The following SYK variants were observed in gnomAD, a reference collection of about 807,000 sequenced individuals.
The protein encoded by SYK is spleen associated tyrosine kinase, also known as tyrosine-protein kinase SYK.
SYK carries 16 observed loss-of-function variants against 77.8 expected under a neutral mutation model. The ratio of observed to expected loss-of-function variants is 0.21; its 90% confidence interval spans 0.14 to 0.31. The LOEUF (loss-of-function observed/expected upper bound fraction) is 0.31, where lower values mean the gene tolerates loss of function less well. SYK is among the 10% of genes least tolerant of loss of function. The pLI is 1.00. For synonymous variants in SYK, 312 were observed against 308.7 expected, an observed-to-expected ratio of 1.01 and a Z score of -0.11; for missense variants, 529 against 814.4, an observed-to-expected ratio of 0.65 and a Z score of 4.26.
chr9:90,857,824 C>T (rs1482785834), intron 3 of SYK, among the ~76,000 whole-genome samples: 1 of 152,144 alleles, frequency 6.6e-6, no homozygotes, highest in African/African-American at 2.4e-5. Flanking sequence ...GCCCAGCCCA[C>T]CTTAGCCACA....
chr9:90,866,121 G>A (rs570393429), intron 6 of SYK, among the ~76,000 whole-genome samples: 18 of 152,106 alleles, frequency 1.2e-4, no homozygotes, highest in African/African-American at 4.1e-4. Context: ...GGATGGTCTC[G>A]ATCTCCTAAC....
At chr9:90,873,683 C>T (rs1827818140) in intron 7 of SYK, among the ~76,000 whole-genome samples, 1 of 152,180 alleles carries the variant, frequency 6.6e-6, no homozygotes, top group Non-Finnish European at 1.5e-5. Flanking sequence ...AATGCTGCTG[C>T]ATCTCCACCG....
chr9:90,871,511 A>G (rs374654800), intron 7 of SYK, among the ~76,000 whole-genome samples: 3 of 152,226 alleles, frequency 2.0e-5, no homozygotes, highest in African/African-American at 7.2e-5. Flanking sequence ...AAACTCCTCA[A>G]ATTTTTCTTT....
intron 1 of SYK, among the ~76,000 whole-genome samples, chr9:90,807,652 A>G (rs371737786): frequency 5.9e-5 from 9 of 152,302 alleles, no homozygotes; most frequent in East Asian, 3.9e-4. Flanking sequence ...GAGCAACTAC[A>G]ATTGCCAAAG....
Position 90,884,445 on chromosome 9 carries a change from A to G in SYK, c.1582-3304A>G, listed in dbSNP as rs1337250762. On this transcript the variant is annotated intron_variant, in intron 11 of 13. Coordinates refer to ENST00000375754, the MANE Select transcript of SYK (RefSeq NM_003177.7). ...CATATACACATATGTGTGTACATAT[A>G]CATACACATACACATATGTGTGTAC... Among the ~76,000 whole-genome samples the G allele has an allele frequency of 5.1e-5, 4 of 78,726 alleles. 1 individual carries two copies. The highest frequency in any genetic ancestry group is 1.1e-4 in the Non-Finnish European group (4 of 36,394). 51.6% of individuals were successfully genotyped at this position (78,726 alleles called of 152,430 possible). A position where few individuals can be genotyped will look rare whatever the true frequency, so the allele number is the denominator to read the frequency against.
At chr9:90,876,659 A>G (rs1205182844) in intron 9 of SYK, among the ~76,000 whole-genome samples, 1 of 152,206 alleles carries the variant, frequency 6.6e-6, no homozygotes, top group African/African-American at 2.4e-5. Context: ...AATTTCAACT[A>G]GAGAATTTGG....
At chr9:90,838,139 G>A (rs988444558) in intron 1 of SYK, among the ~76,000 whole-genome samples, 51 of 152,312 alleles carry the variant, frequency 3.3e-4, no homozygotes, top group African/African-American at 1.1e-3. Flanking sequence ...CACATCCAAG[G>A]GGGGACGTCA....
chr9:90,829,930 T>C (rs146132585), intron 1 of SYK, among the ~76,000 whole-genome samples: 1 of 152,260 alleles, frequency 6.6e-6, no homozygotes, highest in Non-Finnish European at 1.5e-5. Flanking sequence ...TTGGTTGAGA[T>C]AGATCAGCCT....
chr9:90,878,012 T>C (rs12686499), intron 10 of SYK, among the ~76,000 whole-genome samples: 28,845 of 152,280 alleles, frequency 0.19, 3,114 homozygotes, highest in Admixed American at 0.3. Flanking sequence ...TTTTGTCTTT[T>C]TTTTCTTCCT....
At position 90,844,394 on chromosome 9, in the gene SYK, A is replaced by G. The variant is rs2278275; in HGVS notation, c.417+79A>G. 470,218 of 1,404,514 alleles carry G rather than the reference A, an allele frequency of 0.33. 78,900 individuals carry two copies. Among genetic ancestry groups the G allele is most frequent in the South Asian group, 0.37 (24,809 of 67,058 alleles). The allele number at this position is 1,404,514 out of a possible 1,614,324, so 87.0% of individuals were successfully genotyped here. On this transcript the variant is annotated intron_variant, in intron 2 of 13. Transcript: ENST00000375754. The stretch of plus-strand genomic sequence containing the variant: ...CAGACTTCCTGGCTACATGCAACAC[A>G]TGTGCCTATGTGCCCTGTGTGCCCA...
At chr9:90,857,994 G>A (rs147377425) in intron 3 of SYK, among the ~76,000 whole-genome samples, 4 of 152,138 alleles carry the variant, frequency 2.6e-5, no homozygotes, top group East Asian at 1.9e-4. Flanking sequence ...GAATGTGCCC[G>A]GCTTTTCTGT....
chr9:90,884,965 G>GTA lies in SYK; in HGVS notation c.1582-2771_1582-2770dup, dbSNP rs57971781. On this transcript the variant is annotated intron_variant, in intron 11 of 13. Coordinates refer to ENST00000375754, the MANE Select transcript of SYK (RefSeq NM_003177.7). ...TGTATATATATACACACATATATGT[G>GTA]TATATATATATATACCCAACATATA... Among the ~76,000 whole-genome samples, 234 of 80,624 alleles carry GTA rather than the reference G, an allele frequency of 2.9e-3. 13 individuals are homozygous for GTA. The East Asian group carries it at 0.046, about 16-fold the overall frequency. The allele number at this position is 80,624 out of a possible 152,430, so 52.9% of individuals were successfully genotyped here.
chr9:90,888,842 G>A (rs1199677157), intron 13 of SYK, among the ~76,000 whole-genome samples: 3 of 152,208 alleles, frequency 2.0e-5, no homozygotes, highest in African/African-American at 7.2e-5. Context: ...AAGTTTAGAT[G>A]GGGACTCTAA....
chr9:90,821,483 C>T (rs1389666132), intron 1 of SYK, among the ~76,000 whole-genome samples: 6 of 152,132 alleles, frequency 3.9e-5, no homozygotes, highest in African/African-American at 1.4e-4. Context: ...CCTGATAAAC[C>T]CATTAGATCT....
intron 1 of SYK, among the ~76,000 whole-genome samples, chr9:90,833,230 T>G (rs1412013209): frequency 6.6e-6 from 1 of 152,226 alleles, no homozygotes; most frequent in African/African-American, 2.4e-5. Context: ...GGCACCATCT[T>G]GGAGGCTGCC....
intron 1 of SYK, among the ~76,000 whole-genome samples, chr9:90,834,959 T>C (rs114011115): frequency 0.015 from 2,312 of 152,296 alleles, 78 homozygotes; most frequent in African/African-American, 0.052. Context: ...TAGGGAACAC[T>C]TGGCAATATC....
Position 90,858,331 on chromosome 9 carries a change from T to G in SYK, c.579-3875T>G, listed in dbSNP as rs762199386. Among the ~76,000 whole-genome samples the G allele has an allele frequency of 1.0e-3, 156 of 152,360 alleles. 2 individuals are homozygous for G. The highest frequency in any genetic ancestry group is 6.8e-3 in the Middle Eastern group (2 of 294). ...TCTCAAGACCAGTTAGGACAGCTTC[T>G]CAGCATCATCTCAAGCTCAAGCCCT... On this transcript the variant is annotated intron_variant, in intron 3 of 13. Coordinates refer to ENST00000375754, the MANE Select transcript of SYK (RefSeq NM_003177.7).
intron 1 of SYK, among the ~76,000 whole-genome samples, chr9:90,802,814 G>GAAAAAAAAAAAAAAAAAA (rs1299911964): frequency 5.7e-4 from 1 of 1,758 alleles, no homozygotes. Flanking sequence ...GCAGCGTGTA[G>GAAAAAAAAAAAAAAAAAA]TAAAAAAAAA....
intron 13 of SYK, among the ~76,000 whole-genome samples, chr9:90,889,030 G>T (rs947433866): frequency 2.6e-5 from 4 of 152,086 alleles, no homozygotes; most frequent in African/African-American, 9.7e-5. Context: ...GAGCAGTGAG[G>T]GGTGACCTCG....
Sources: gnomAD v4.1 joint callset for allele counts (sites outside exome capture counted in the v4.1 genomes callset) on GRCh38, gnomAD v4.1.1 for gene constraint, MANE v1.5 for transcripts, NCBI Gene and HGNC (gene_info 2026-07-23, HGNC 2026-07-21) for gene names.